ARHGAP44: variants seen among roughly 807,000 people sequenced by gnomAD.
The protein encoded by ARHGAP44 is rho GTPase-activating protein 44.
A neutral mutation model predicts 106.8 loss-of-function variants in ARHGAP44; 43 were observed. The observed-to-expected ratio is 0.40, with a 90% CI of 0.32 to 0.52. The LOEUF (loss-of-function observed/expected upper bound fraction) is 0.52. ARHGAP44 is among the 20% of genes least tolerant of loss of function. The pLI, the probability that ARHGAP44 is intolerant of heterozygous loss-of-function variation, is 0.48. For synonymous variants in ARHGAP44, 439 were observed against 410.3 expected (o/e 1.07, Z -0.85); for missense variants, 866 against 1,050.5 (o/e 0.82, Z 2.43).
In ARHGAP44 at chr17:12,789,800, C is replaced by T. The variant is rs1157213854; in HGVS notation, c.-39C>T. The stretch of plus-strand genomic sequence containing the variant: ...GCGGCGGGCTCCGGGCTGCTCCGTC[C>T]TTCCCCAGCTCCCGGGCTAGCGCGG... On this transcript the variant is annotated 5_prime_UTR_variant, in exon 1 of 21. Coordinates refer to ENST00000379672, the MANE Select transcript of ARHGAP44 (RefSeq NM_014859.6). 2.0e-6 allele frequency: 3 copies of T among 1,490,034 alleles called. No individual in the cohort carries two copies. Among genetic ancestry groups the T allele is most frequent in the East Asian group, 5.9e-5 (2 of 33,766 alleles). 92.3% of individuals were successfully genotyped at this position (1,490,034 alleles called of 1,614,324 possible).
At chr17:12,893,300 T>G (rs1598009724) in intron 1 of ARHGAP44, among the ~76,000 whole-genome samples, 1 of 152,122 alleles carries the variant, frequency 6.6e-6, no homozygotes, top group Non-Finnish European at 1.5e-5. Context: ...GGGTTATGAG[T>G]GTCTCATTAT....
intron 1 of ARHGAP44, among the ~76,000 whole-genome samples, chr17:12,810,755 T>C (rs1456413500): frequency 6.6e-6 from 1 of 152,134 alleles, no homozygotes; most frequent in African/African-American, 2.4e-5. Flanking sequence ...TCCCTGTCTA[T>C]GTATCTCTTT....
At chr17:12,826,374 T>A (rs2034919425) in intron 1 of ARHGAP44, among the ~76,000 whole-genome samples, 1 of 152,164 alleles carries the variant, frequency 6.6e-6, no homozygotes, top group African/African-American at 2.4e-5. Flanking sequence ...TCTCATCCCA[T>A]AAAAAAGCCT....
chr17:12,906,465 C>G (rs989840647), intron 3 of ARHGAP44, among the ~76,000 whole-genome samples: 2 of 152,132 alleles, frequency 1.3e-5, no homozygotes, highest in African/African-American at 4.8e-5. Context: ...TTAGGGGTCC[C>G]ACAACTCCCC....
chr17:12,973,673 T>G, intron 17 of ARHGAP44: 1 of 473,240 alleles, frequency 2.1e-6, no homozygotes, highest in East Asian at 3.8e-5. Flanking sequence ...CCCTCCCACC[T>G]CGTCTTGCAC....
intron 7 of ARHGAP44, among the ~76,000 whole-genome samples, 197 bp from the exon 8 acceptor site, chr17:12,940,859 C>G (rs1284100742): frequency 6.6e-6 from 1 of 152,148 alleles, no homozygotes; most frequent in Non-Finnish European, 1.5e-5. Flanking sequence ...CATAGGTGTT[C>G]TTTTCAAACT....
chr17:12,904,312 T>G lies in ARHGAP44; in HGVS notation c.199-4585T>G, dbSNP rs140102726. Among the ~76,000 whole-genome samples the G allele has an allele frequency of 3.5e-3, 537 of 152,300 alleles. 4 individuals are homozygous for G. The highest frequency in any genetic ancestry group is 0.012 in the African/African-American group (515 of 41,564). ...TAGTAGAGATGGGGCTTCACCATGTTAGCCAGGATGGTCTCAATCTCTTGA... is the reference window on the plus strand; with the variant it reads ...TAGTAGAGATGGGGCTTCACCATGTGAGCCAGGATGGTCTCAATCTCTTGA... On this transcript the variant is annotated intron_variant, in intron 3 of 20. Transcript: ENST00000379672.
chr17:12,796,706 C>G (rs1002065826), intron 1 of ARHGAP44, among the ~76,000 whole-genome samples: 3 of 152,072 alleles, frequency 2.0e-5, no homozygotes, highest in African/African-American at 7.2e-5. Flanking sequence ...ATGCCATTCT[C>G]CTGCCTCAGC....
chr17:12,991,291 T>C lies in ARHGAP44; in HGVS notation c.*1120T>C, dbSNP rs1473242161. ...AAAGTCAAAGTTTAAAATTTTATCC[T>C]TTTCAAATAGATGATATAATATACC... On this transcript the variant is annotated 3_prime_UTR_variant, in exon 21 of 21. Coordinates refer to ENST00000379672, the MANE Select transcript of ARHGAP44 (RefSeq NM_014859.6). 1 of 152,700 alleles carries C rather than the reference T, an allele frequency of 6.5e-6. No homozygotes were observed. Among genetic ancestry groups the C allele is most frequent in the Non-Finnish European group, 1.5e-5 (1 of 68,058 alleles). 9.5% of individuals were successfully genotyped at this position (152,700 alleles called of 1,614,324 possible).
intron 1 of ARHGAP44, among the ~76,000 whole-genome samples, chr17:12,860,856 CT>C (rs71144929): frequency 0.051 from 6,778 of 133,868 alleles, 96 homozygotes; most frequent in South Asian, 0.12. Flanking sequence ...TTTTTCTATT[CT>C]TTTTTTTTTT....
At chr17:12,933,849 C>CTTTTTT (rs11303147) in intron 7 of ARHGAP44, among the ~76,000 whole-genome samples, 1 of 131,540 alleles carries the variant, frequency 7.6e-6, no homozygotes, top group Non-Finnish European at 1.6e-5. Context: ...CACATAAATT[C>CTTTTTT]TTTTTTTTTT....
intron 16 of ARHGAP44, among the ~76,000 whole-genome samples, chr17:12,964,769 AGAGT>A (rs369735290): frequency 1.6e-3 from 243 of 152,282 alleles, no homozygotes; most frequent in Admixed American, 3.5e-3. Flanking sequence ...CCTGGGCGAC[AGAGT>A]GAGACTCTGT....
intron 3 of ARHGAP44, among the ~76,000 whole-genome samples, chr17:12,898,804 C>A (rs558965315): frequency 6.6e-6 from 1 of 152,304 alleles, no homozygotes; most frequent in East Asian, 1.9e-4. Context: ...CGTACACTAT[C>A]TGGCTTCTCT....
chr17:12,968,428 C>T lies in ARHGAP44; in HGVS notation c.1524-4874C>T, dbSNP rs181270054. On this transcript the variant is annotated intron_variant, in intron 16 of 20. Transcript: ENST00000379672. ...TGACCATTCCAGGCTGAGCCTCCTG[C>T]GCCCTAGTGTATTTTGTTTTCCAAA... Among the ~76,000 whole-genome samples, 75 of 152,294 alleles carry T rather than the reference C, an allele frequency of 4.9e-4. 1 individual carries two copies. Among genetic ancestry groups the T allele is most frequent in the African/African-American group, 1.5e-3 (64 of 41,568 alleles).
rs772026102 is a variant in ARHGAP44, at chr17:12,984,688, C to T, written c.2097C>T (p.Ser699=). 1.2e-6 allele frequency: 2 copies of T among 1,613,566 alleles called. No individual in the cohort carries two copies. The highest frequency in any genetic ancestry group is 1.1e-5 in the South Asian group (1 of 91,056). ...GACTGAGCTACCCTCAGGGGTACTCCTTGGCCTCGGGCCAGCTCTCCCCAG... is the reference window on the plus strand; with the variant it reads ...GACTGAGCTACCCTCAGGGGTACTCTTTGGCCTCGGGCCAGCTCTCCCCAG... ...PYGLSYPQGY[S]LASGQLSPAA... Residue 699 remains serine (S), a synonymous_variant, in exon 20 of 21, where the codon TCC becomes TCT. Coordinates refer to ENST00000379672, the MANE Select transcript of ARHGAP44 (RefSeq NM_014859.6).
At chr17:12,989,223 C>G (rs773402697) in intron 20 of ARHGAP44, among the ~76,000 whole-genome samples, 1 of 151,522 alleles carries the variant, frequency 6.6e-6, no homozygotes, top group Non-Finnish European at 1.5e-5. Flanking sequence ...CTGGAGGAGT[C>G]AGCAAGCACA....
intron 1 of ARHGAP44, among the ~76,000 whole-genome samples, chr17:12,808,744 T>G (rs1293148248): frequency 6.6e-6 from 1 of 152,198 alleles, no homozygotes; most frequent in Non-Finnish European, 1.5e-5. Context: ...CTCCATTGTC[T>G]TGGTGATTAA....
At chr17:12,852,921 A>C (rs2035800452) in intron 1 of ARHGAP44, among the ~76,000 whole-genome samples, 1 of 152,188 alleles carries the variant, frequency 6.6e-6, no homozygotes, top group Non-Finnish European at 1.5e-5. Context: ...GGATTTTTTA[A>C]AGAGGAACAT....
intron 18 of ARHGAP44, among the ~76,000 whole-genome samples, chr17:12,977,645 G>A (rs1206605923): frequency 6.6e-6 from 1 of 152,146 alleles, no homozygotes; most frequent in Non-Finnish European, 1.5e-5. Context: ...AGCGCCCCTA[G>A]TAGCCGCCCT....
Sources: allele counts gnomAD v4.1 joint callset (sites outside exome capture counted in the v4.1 genomes callset), GRCh38; gene constraint gnomAD v4.1.1; transcripts MANE v1.5; gene names NCBI Gene and HGNC (gene_info 2026-07-23, HGNC 2026-07-21).